The following ITCH variants were observed in gnomAD, a reference collection of about 807,000 sequenced individuals.
The protein encoded by ITCH is E3 ubiquitin-protein ligase Itchy homolog.
In ITCH, 28 loss-of-function variants were observed where a neutral mutation model predicts 126.8. The ratio of observed to expected loss-of-function variants is 0.22; its 90% CI spans 0.16 to 0.30. The LOEUF (loss-of-function observed/expected upper bound fraction) is 0.30, where lower values mean the gene tolerates loss of function less well. ITCH is among the 10% of genes least tolerant of loss of function. The pLI is 1.00. For missense variants in ITCH, 631 were observed against 1,032.4 expected (o/e 0.61, Z 5.33); for synonymous variants, 342 against 340.0 (o/e 1.01, Z -0.06).
intron 1 of ITCH, among the ~76,000 whole-genome samples, chr20:34,366,119 C>G (rs559022660): frequency 6.6e-6 from 1 of 152,160 alleles, no homozygotes; most frequent in African/African-American, 2.4e-5. Flanking sequence ...GAGTGAATGC[C>G]TTAATGCTGT....
rs1473419960 is a variant in ITCH at position 34,471,582 on chromosome 20, C to T, written c.1569+67C>T. On this transcript the variant is annotated intron_variant, in intron 16 of 24. Transcript: ENST00000374864. Reference sequence around the variant, plus strand: ...GCTTAGGACCCGCTTTTGGTGCTGTCAGTTTAATCTGAATGGTTTGGAACT... The same window carrying T: ...GCTTAGGACCCGCTTTTGGTGCTGTTAGTTTAATCTGAATGGTTTGGAACT... 30 of 959,586 alleles carry T rather than the reference C, an allele frequency of 3.1e-5. No homozygotes were observed. The Middle Eastern group carries it at 1.5e-3, about 46-fold the overall frequency. 59.4% of individuals were successfully genotyped at this position (959,586 alleles called of 1,614,324 possible).
intron 6 of ITCH, chr20:34,417,389 C>T (rs1355603698): frequency 9.5e-5 from 19 of 200,404 alleles, no homozygotes; most frequent in African/African-American, 3.9e-4. Flanking sequence ...TGAGCCACTG[C>T]GCCCGGCTGA....
At chr20:34,505,977 CA>C (rs1405926983) in intron 24 of ITCH, among the ~76,000 whole-genome samples, 2 of 152,166 alleles carry the variant, frequency 1.3e-5, no homozygotes, top group Non-Finnish European at 2.9e-5. Flanking sequence ...ATATACATAA[CA>C]TAGAATTTAC....
At chr20:34,372,784 G>A (rs571168907) in intron 2 of ITCH, among the ~76,000 whole-genome samples, 39 of 152,220 alleles carry the variant, frequency 2.6e-4, no homozygotes, top group Admixed American at 2.2e-3. Flanking sequence ...AGCTGCTATT[G>A]TGCTAGGTTC....
At chr20:34,476,254 C>A (rs1185390153) in intron 16 of ITCH, 5 of 813,296 alleles carry the variant, frequency 6.1e-6, no homozygotes, top group Non-Finnish European at 1.1e-5. Flanking sequence ...TTCACCATCA[C>A]AGTTTATAAA....
At chr20:34,502,731 A>G (rs1435430942) in intron 23 of ITCH, among the ~76,000 whole-genome samples, 1 of 150,440 alleles carries the variant, frequency 6.6e-6, no homozygotes, top group African/African-American at 2.4e-5. Flanking sequence ...TAAAATATTG[A>G]GTAGAGGGTG....
chr20:34,472,002 T>C (rs897914086), intron 16 of ITCH, among the ~76,000 whole-genome samples: 19 of 152,124 alleles, frequency 1.2e-4, no homozygotes, highest in African/African-American at 3.9e-4. Context: ...AAAGTGGTCA[T>C]TGGTGACAGT....
At chr20:34,380,870 C>T (rs2146020024) in intron 2 of ITCH, among the ~76,000 whole-genome samples, 1 of 152,138 alleles carries the variant, frequency 6.6e-6, no homozygotes, top group South Asian at 2.1e-4. Context: ...TCACTGTAAT[C>T]TCCACCTCCC....
chr20:34,418,757 C>CTTTTTTTT (rs373974620), intron 6 of ITCH, among the ~76,000 whole-genome samples: 3 of 116,534 alleles, frequency 2.6e-5, no homozygotes, highest in Non-Finnish European at 3.4e-5. Context: ...TCTTTTTTTC[C>CTTTTTTTT]TTTTTTTTTT....
chr20:34,385,282 C>T (rs573769059), intron 2 of ITCH, among the ~76,000 whole-genome samples: 5 of 142,502 alleles, frequency 3.5e-5, no homozygotes, highest in Admixed American at 7.3e-5. Flanking sequence ...AGGCTGGTCT[C>T]GAACTCCTGA....
chr20:34,376,503 G>A (rs1249383606), intron 2 of ITCH, among the ~76,000 whole-genome samples: 1 of 151,926 alleles, frequency 6.6e-6, no homozygotes, highest in Non-Finnish European at 1.5e-5. Context: ...ATACCTCAAA[G>A]CAGTCTAGTA....
In ITCH at chr20:34,424,542, T is replaced by A. The variant is rs774588167; in HGVS notation, c.521+17T>A. On this transcript the variant is annotated intron_variant, in intron 7 of 24. Transcript: ENST00000374864. ...TGAAACAAGGTAAGCATTCACTGAT[T>A]GCTTACCACAGAATGCGGAGAGATA... The A allele has an allele frequency of 1.2e-6, 2 of 1,601,624 alleles. No homozygotes were observed. Among genetic ancestry groups the A allele is most frequent in the South Asian group, 2.2e-5 (2 of 90,800 alleles).
At chr20:34,388,110 T>C (rs560574910) in intron 2 of ITCH, among the ~76,000 whole-genome samples, 12 of 152,002 alleles carry the variant, frequency 7.9e-5, no homozygotes, top group African/African-American at 2.7e-4. Context: ...CTTTTTTTTT[T>C]TTTTTGAGAC....
At chr20:34,426,483 T>A (rs1981538324) in intron 7 of ITCH, among the ~76,000 whole-genome samples, 1 of 152,134 alleles carries the variant, frequency 6.6e-6, no homozygotes, top group Non-Finnish European at 1.5e-5. Flanking sequence ...ATTCACTCTT[T>A]CACCCAGGCT....
chr20:34,425,525 G>T (rs960586487), intron 7 of ITCH, among the ~76,000 whole-genome samples: 1 of 152,188 alleles, frequency 6.6e-6, no homozygotes, highest in Non-Finnish European at 1.5e-5. Flanking sequence ...GAATGTCGGG[G>T]TGTAAAGCCA....
chr20:34,417,097 A>G, intron 6 of ITCH: 2 of 632,324 alleles, frequency 3.2e-6, no homozygotes, highest in Non-Finnish European at 5.8e-6. Flanking sequence ...CTATTTAGGT[A>G]GACTTTTTTT....
At chr20:34,489,191 A>C in intron 20 of ITCH, 75 bp from the exon 21 acceptor site, 1 of 1,311,028 alleles carries the variant, frequency 7.6e-7, no homozygotes, top group Non-Finnish European at 1.1e-6. Context: ...TAATTTTTTA[A>C]AATTTATTTT....
chr20:34,424,459 G>A, intron 6 of ITCH, 21 bp from the exon 7 acceptor site: 1 of 1,605,238 alleles, frequency 6.2e-7, no homozygotes, highest in Non-Finnish European at 8.5e-7. Context: ...CTCATTTTCT[G>A]TTTAAACTTT....
chr20:34,425,031 C>T (rs1294361028), intron 7 of ITCH, among the ~76,000 whole-genome samples: 3 of 152,162 alleles, frequency 2.0e-5, no homozygotes, highest in Non-Finnish European at 4.4e-5. Context: ...CAGTTTGTTA[C>T]TGTGTCTATG....
Sources: allele counts gnomAD v4.1 joint callset (sites outside exome capture counted in the v4.1 genomes callset), GRCh38; gene constraint gnomAD v4.1.1; transcripts MANE v1.5; gene names NCBI Gene and HGNC (gene_info 2026-07-23, HGNC 2026-07-21).